Variants in ADAMTSL1 observed in about 807,000 individuals in gnomAD.
ADAMTSL1 encodes the protein ADAMTS-like protein 1.
In ADAMTSL1, 126 loss-of-function variants were observed where a neutral mutation model predicts 201.8. The ratio of observed to expected loss-of-function variants is 0.62; its 90% CI spans 0.54 to 0.72. ADAMTSL1 has a LOEUF of 0.72. Ranked by LOEUF, ADAMTSL1 falls within the 30% of genes least tolerant of loss-of-function variation. The pLI, the probability that ADAMTSL1 is intolerant of heterozygous loss-of-function variation, is 0.00. For missense variants in ADAMTSL1, 2,679 were observed against 2,277.8 expected, an observed-to-expected ratio of 1.18 and a Z score of -3.59; for synonymous variants, 1,121 against 903.4, an observed-to-expected ratio of 1.24 and a Z score of -4.32.
At chr9:18,056,109 C>T (rs1046736853) in intron 1 of ADAMTSL1, among the ~76,000 whole-genome samples, 3 of 151,124 alleles carry the variant, frequency 2.0e-5, no homozygotes, top group Non-Finnish European at 4.4e-5. Flanking sequence ...GCCTTAGGAA[C>T]TGTTAGATTT....
At chr9:18,514,047 T>C (rs1424239605) in intron 2 of ADAMTSL1, among the ~76,000 whole-genome samples, 2 of 150,490 alleles carry the variant, frequency 1.3e-5, no homozygotes, top group Non-Finnish European at 3.0e-5. Context: ...GGGAGTTTGA[T>C]AGGCAACGCA....
chr9:18,133,438 A>G (rs1261270543), intron 1 of ADAMTSL1, among the ~76,000 whole-genome samples: 2 of 152,164 alleles, frequency 1.3e-5, no homozygotes, highest in African/African-American at 2.4e-5. Context: ...ACATTTTCAT[A>G]AAGTATTTCA....
intron 1 of ADAMTSL1, among the ~76,000 whole-genome samples, chr9:18,088,596 C>A (rs1046676061): frequency 6.6e-6 from 1 of 152,076 alleles, no homozygotes; most frequent in Non-Finnish European, 1.5e-5. Flanking sequence ...TCAAAGAATA[C>A]ATACAAATGA....
At chr9:18,348,318 CCA>C (rs1321401187) in intron 2 of ADAMTSL1, among the ~76,000 whole-genome samples, 1 of 152,078 alleles carries the variant, frequency 6.6e-6, no homozygotes, top group Non-Finnish European at 1.5e-5. Context: ...ACAGAATCAG[CCA>C]CATTTGCACA....
intron 2 of ADAMTSL1, among the ~76,000 whole-genome samples, chr9:18,314,370 C>T (rs1834276803): frequency 6.6e-6 from 1 of 152,132 alleles, no homozygotes; most frequent in Non-Finnish European, 1.5e-5. Flanking sequence ...TGGACCCTTG[C>T]AGTGAGTGTT....
At chr9:18,389,596 A>G (rs1837959528) in intron 2 of ADAMTSL1, among the ~76,000 whole-genome samples, 1 of 152,202 alleles carries the variant, frequency 6.6e-6, no homozygotes, top group African/African-American at 2.4e-5. Context: ...CATAGATCCT[A>G]AGTGTGGAGA....
intron 2 of ADAMTSL1, among the ~76,000 whole-genome samples, chr9:18,427,171 C>G (rs1034266385): frequency 6.6e-6 from 1 of 152,172 alleles, no homozygotes; most frequent in Admixed American, 6.5e-5. Flanking sequence ...TGAAATAAGT[C>G]TAACTAAAAG....
chr9:17,926,664 A>G (rs911237109), intron 1 of ADAMTSL1, among the ~76,000 whole-genome samples: 19 of 152,340 alleles, frequency 1.2e-4, no homozygotes, highest in Admixed American at 1.2e-3. Context: ...ACTATTGGCC[A>G]ATCAAATTCA....
chr9:18,305,762 G>A (rs942495842), intron 2 of ADAMTSL1, among the ~76,000 whole-genome samples: 22 of 152,270 alleles, frequency 1.4e-4, no homozygotes, highest in African/African-American at 4.8e-4. Flanking sequence ...TTGGGGGATG[G>A]GGTGGTTGTG....
intron 2 of ADAMTSL1, among the ~76,000 whole-genome samples, chr9:18,466,785 A>G (rs1821023105): frequency 6.6e-6 from 1 of 152,154 alleles, no homozygotes; most frequent in South Asian, 2.1e-4. Context: ...GAAACTATTA[A>G]TCTAGTTCAT....
At chr9:17,960,781 T>C (rs1026497496) in intron 1 of ADAMTSL1, among the ~76,000 whole-genome samples, 9 of 152,182 alleles carry the variant, frequency 5.9e-5, no homozygotes, top group Non-Finnish European at 1.2e-4. Flanking sequence ...CTTTATAGAT[T>C]TCATTTACAT....
At chr9:18,629,083 A>G (rs1479237543) in intron 5 of ADAMTSL1, among the ~76,000 whole-genome samples, 1 of 152,180 alleles carries the variant, frequency 6.6e-6, no homozygotes, top group African/African-American at 2.4e-5. Context: ...CAGAAACATG[A>G]TTGATTTTTG....
chr9:18,491,556 A>C (rs567058358), intron 1 of ADAMTSL1, among the ~76,000 whole-genome samples: 2 of 152,216 alleles, frequency 1.3e-5, no homozygotes, highest in Non-Finnish European at 1.5e-5. Flanking sequence ...ATCACAAAAA[A>C]TCATGTCATG....
At chr9:17,976,290 A>G (rs1480212901) in intron 1 of ADAMTSL1, among the ~76,000 whole-genome samples, 1 of 151,998 alleles carries the variant, frequency 6.6e-6, no homozygotes, top group South Asian at 2.1e-4. Context: ...TAGAGATTGT[A>G]TTACATCTGT....
At chr9:18,341,982 A>G (rs899684093) in intron 2 of ADAMTSL1, among the ~76,000 whole-genome samples, 4 of 152,188 alleles carry the variant, frequency 2.6e-5, no homozygotes, top group African/African-American at 9.6e-5. Flanking sequence ...TGGGCATAAT[A>G]TACCATATGA....
intron 2 of ADAMTSL1, among the ~76,000 whole-genome samples, chr9:18,315,697 C>T (rs911996183): frequency 1.3e-5 from 2 of 152,128 alleles, no homozygotes; most frequent in Non-Finnish European, 2.9e-5. Flanking sequence ...CCCCAGTTCC[C>T]GCCCGCGCCT....
At chr9:18,057,538 G>A (rs967570691) in intron 1 of ADAMTSL1, among the ~76,000 whole-genome samples, 8 of 152,138 alleles carry the variant, frequency 5.3e-5, no homozygotes, top group Admixed American at 2.0e-4. Context: ...TGTGACTAGC[G>A]TTACAAACAA....
At chr9:18,196,589 G>A (rs1033838259) in intron 2 of ADAMTSL1, among the ~76,000 whole-genome samples, 2 of 152,046 alleles carry the variant, frequency 1.3e-5, no homozygotes, top group Admixed American at 6.6e-5. Flanking sequence ...AGTCTCAGTA[G>A]ATGAGGATGG....
intron 23 of ADAMTSL1, among the ~76,000 whole-genome samples, chr9:18,847,940 G>C (rs758428430): frequency 6.6e-6 from 1 of 152,208 alleles, no homozygotes; most frequent in African/African-American, 2.4e-5. Context: ...GAGCATCATG[G>C]GCTTTTCCAG....
Sources: gnomAD v4.1 joint callset for allele counts (sites outside exome capture counted in the v4.1 genomes callset) on GRCh38, gnomAD v4.1.1 for gene constraint, MANE v1.5 for transcripts, NCBI Gene and HGNC (gene_info 2026-07-23, HGNC 2026-07-21) for gene names.